Variants in SOX5 observed in about 807,000 individuals in gnomAD.
SOX5 encodes the protein SRY-box transcription factor 5, also known as transcription factor SOX-5.
SOX5 carries 9 observed loss-of-function variants against 92.0 expected under a neutral mutation model. The ratio of observed to expected loss-of-function variants is 0.10; its 90% CI spans 0.06 to 0.17. SOX5 has a LOEUF of 0.17. SOX5 is among the 10% of genes least tolerant of loss of function. The pLI is 1.00. For missense variants in SOX5, 642 were observed against 944.5 expected (o/e 0.68, Z 4.20); for synonymous variants, 344 against 336.3 (o/e 1.02, Z -0.25).
chr12:23,800,255 A>G (rs1178123606), intron 3 of SOX5, among the ~76,000 whole-genome samples: 2 of 152,206 alleles, frequency 1.3e-5, no homozygotes, highest in East Asian at 3.8e-4. Flanking sequence ...TGGAACACAC[A>G]CAAAAATAAA....
chr12:24,275,308 CTG>C (rs1015201317), intron 3 of SOX5, among the ~76,000 whole-genome samples: 70 of 151,920 alleles, frequency 4.6e-4, no homozygotes, highest in African/African-American at 1.4e-3. Flanking sequence ...ATTAATTTTT[CTG>C]TGTTTGTAAT....
chr12:23,676,810 A>G (rs1445957703), intron 6 of SOX5, among the ~76,000 whole-genome samples: 4 of 152,194 alleles, frequency 2.6e-5, no homozygotes, highest in Non-Finnish European at 5.9e-5. Flanking sequence ...ACTGTGTTCA[A>G]CAATGTTTCC....
At chr12:24,552,081 C>T (rs1487881616) in intron 1 of SOX5, among the ~76,000 whole-genome samples, 1 of 137,258 alleles carries the variant, frequency 7.3e-6, no homozygotes, top group East Asian at 2.0e-4. Context: ...GGGCCCCCTT[C>T]CCCACTCCCC....
At chr12:24,424,813 G>GT (rs1446729155) in intron 1 of SOX5, among the ~76,000 whole-genome samples, 6 of 150,726 alleles carry the variant, frequency 4.0e-5, no homozygotes, top group South Asian at 2.1e-4. Flanking sequence ...TTTTTTGGGG[G>GT]GGGGGGATGG....
chr12:23,570,445 C>A (rs573934314), intron 10 of SOX5, among the ~76,000 whole-genome samples: 2 of 152,210 alleles, frequency 1.3e-5, no homozygotes, highest in South Asian at 2.1e-4. Context: ...CACCTTCCTG[C>A]AAACAAGGTT....
At chr12:23,669,991 G>A (rs1360708548) in intron 6 of SOX5, among the ~76,000 whole-genome samples, 1 of 152,150 alleles carries the variant, frequency 6.6e-6, no homozygotes, top group Admixed American at 6.6e-5. Flanking sequence ...AAGGAAAAAG[G>A]GGAACAGCTT....
chr12:23,753,162 A>AT (rs1173577779), intron 4 of SOX5, among the ~76,000 whole-genome samples: 2 of 151,880 alleles, frequency 1.3e-5, no homozygotes, highest in East Asian at 1.9e-4. Flanking sequence ...AAAGTCTATC[A>AT]TTTTTTACTT....
intron 2 of SOX5, among the ~76,000 whole-genome samples, chr12:24,355,663 A>G (rs1480508419): frequency 6.6e-6 from 1 of 152,186 alleles, no homozygotes; most frequent in Non-Finnish European, 1.5e-5. Context: ...TCCTAATTAA[A>G]TGTTTTCTGT....
At chr12:23,631,734 C>A (rs1044341531) in intron 8 of SOX5, among the ~76,000 whole-genome samples, 11 of 151,994 alleles carry the variant, frequency 7.2e-5, no homozygotes, top group Non-Finnish European at 1.5e-5. Flanking sequence ...TTTATTTAAT[C>A]GACCATTACA....
intron 9 of SOX5, among the ~76,000 whole-genome samples, chr12:23,596,229 C>T (rs1399929782): frequency 6.6e-6 from 1 of 152,102 alleles, no homozygotes; most frequent in African/African-American, 2.4e-5. Context: ...GTCAGTATAT[C>T]GTTCTCTTTC....
In SOX5 at chr12:23,536,493, G is replaced by A; in HGVS notation, c.1948C>T (p.Arg650Cys). 1.9e-6 allele frequency: 3 copies of A among 1,614,112 alleles called. No homozygotes were observed. The highest frequency in any genetic ancestry group is 1.1e-5 in the South Asian group (1 of 91,088). ...TGCCGCATTTCCTGCCGCCTGTTGCGCATGATTGCCTTGTATTCACCAATG... is the reference window on the plus strand; with the variant it reads ...TGCCGCATTTCCTGCCGCCTGTTGCACATGATTGCCTTGTATTCACCAATG... ...LRIGEYKAIM[R>C]NRRQEMRQYF... Residue 650 changes from arginine (R) to cysteine (C), a missense_variant, in exon 14 of 15, where the codon CGC (arginine) becomes TGC (cysteine). This residue lies in a region of SOX5 where 21 missense variants were observed against 52.3 expected (regional missense o/e 0.40). Transcript: ENST00000451604.
At chr12:24,324,701 A>C (rs896206608) in intron 2 of SOX5, among the ~76,000 whole-genome samples, 1 of 152,180 alleles carries the variant, frequency 6.6e-6, no homozygotes, top group Non-Finnish European at 1.5e-5. Flanking sequence ...TGTCTTTAGG[A>C]AACTTACCTA....
intron 7 of SOX5, among the ~76,000 whole-genome samples, chr12:23,657,838 T>C (rs959530904): frequency 2.6e-4 from 40 of 152,188 alleles, no homozygotes; most frequent in Non-Finnish European, 1.3e-4. Context: ...AGGAGACTCA[T>C]GTTGAAAAGA....
intron 9 of SOX5, among the ~76,000 whole-genome samples, chr12:23,601,159 T>C (rs1045617692): frequency 1.3e-5 from 2 of 152,140 alleles, no homozygotes; most frequent in African/African-American, 2.4e-5. Flanking sequence ...ACACAGCAGA[T>C]TGAAAACAGC....
chr12:23,570,827 C>A (rs773551887), intron 10 of SOX5, among the ~76,000 whole-genome samples: 1 of 146,234 alleles, frequency 6.8e-6, no homozygotes, highest in South Asian at 2.2e-4. Flanking sequence ...AGGGGAATGG[C>A]GTGAACCCAG....
intron 9 of SOX5, among the ~76,000 whole-genome samples, chr12:23,584,123 G>C (rs768348124): frequency 6.6e-6 from 1 of 152,040 alleles, no homozygotes; most frequent in Non-Finnish European, 1.5e-5. Context: ...ACTATCAAAA[G>C]GAAAGCACAA....
At chr12:23,653,076 GTGGA>G (rs1485966049) in intron 7 of SOX5, among the ~76,000 whole-genome samples, 1 of 75,932 alleles carries the variant, frequency 1.3e-5, no homozygotes. Flanking sequence ...GGATGGATGG[GTGGA>G]TGGATGCCAG....
chr12:24,303,284 C>A (rs1948196684), intron 2 of SOX5, among the ~76,000 whole-genome samples: 1 of 152,122 alleles, frequency 6.6e-6, no homozygotes, highest in African/African-American at 2.4e-5. Flanking sequence ...TGACTGATTT[C>A]TCCTACCCAA....
intron 4 of SOX5, among the ~76,000 whole-genome samples, chr12:23,966,225 A>G: frequency 7.3e-6 from 1 of 137,880 alleles, no homozygotes; most frequent in Admixed American, 7.7e-5. Flanking sequence ...AAAAAAAAAA[A>G]AAAAAAAAAA....
Sources: allele counts gnomAD v4.1 joint callset (sites outside exome capture counted in the v4.1 genomes callset), GRCh38; gene constraint gnomAD v4.1.1; regional missense constraint gnomAD v4.1.1; transcripts MANE v1.5; gene names NCBI Gene and HGNC (gene_info 2026-07-23, HGNC 2026-07-21).